PAK1: variants seen among roughly 807,000 people sequenced by gnomAD.
PAK1 encodes p21 (RAC1) activated kinase 1, also known as serine/threonine-protein kinase PAK 1.
Under a neutral mutation model 67.4 loss-of-function variants are expected in PAK1, and 29 were observed. The observed-to-expected ratio is 0.43, with a 90% CI of 0.32 to 0.59. The LOEUF is 0.59. Ranked by LOEUF, PAK1 falls within the 20% of genes least tolerant of loss-of-function variation. The pLI is 0.07. For synonymous variants in PAK1, 223 were observed against 237.4 expected (o/e 0.94, Z 0.56); for missense variants, 337 against 670.7 (o/e 0.50, Z 5.50).
chr11:77,332,722 A>T lies in PAK1; in HGVS notation c.1551+8T>A, dbSNP rs748180977. On this transcript the variant is annotated splice_region_variant and intron_variant, in intron 14 of 14. Transcript: ENST00000356341. ...GAATTAGGTGCTTCCCTGCATAAGG[A>T]CAGTTACCTGTAGCAGCTCTTTAGC... 1 of 1,612,598 alleles carries T rather than the reference A, an allele frequency of 6.2e-7. No individual in the cohort carries two copies. The highest frequency in any genetic ancestry group is 8.5e-7 in the Non-Finnish European group (1 of 1,178,788).
the PAK1 span, among the ~76,000 whole-genome samples, chr11:77,489,423 T>TCCTCTCTCTCTCCC: frequency 7.0e-6 from 1 of 143,084 alleles, no homozygotes; most frequent in African/African-American, 2.6e-5. Flanking sequence ...CTCTCCTCTC[T>TCCTCTCTCTCTCCC]CTCTCCCCTC....
At chr11:77,407,984 T>G (rs1592333140) in intron 1 of PAK1, among the ~76,000 whole-genome samples, 1 of 152,332 alleles carries the variant, frequency 6.6e-6, no homozygotes, top group Admixed American at 6.5e-5. Context: ...GAAAACTCTT[T>G]GTACACTGTA....
intron 2 of PAK1, among the ~76,000 whole-genome samples, chr11:77,382,828 T>G (rs1014161052): frequency 6.6e-6 from 1 of 152,100 alleles, no homozygotes; most frequent in African/African-American, 2.4e-5. Context: ...TGAAACTCCA[T>G]CTCTACTAAA....
At chr11:77,349,155 C>A in intron 9 of PAK1, 84 bp downstream of exon 9, 1 of 913,004 alleles carries the variant, frequency 1.1e-6, no homozygotes, top group Non-Finnish European at 1.7e-6. Context: ...AGAACTGTTC[C>A]TGTTGACCTA....
chr11:77,424,271 C>T (rs1052279540), intron 1 of PAK1, among the ~76,000 whole-genome samples: 3 of 151,906 alleles, frequency 2.0e-5, no homozygotes, highest in African/African-American at 7.3e-5. Flanking sequence ...TTCCCGTTAC[C>T]TCCTCTCTCA....
chr11:77,324,551 G>A (rs1472369842), intron 14 of PAK1, among the ~76,000 whole-genome samples: 1 of 152,006 alleles, frequency 6.6e-6, no homozygotes, highest in African/African-American at 2.4e-5. Flanking sequence ...TAGTAAAAAA[G>A]CTTTGTGTCT....
intron 5 of PAK1, among the ~76,000 whole-genome samples, chr11:77,372,785 A>G (rs1948609182): frequency 6.6e-6 from 1 of 152,128 alleles, no homozygotes; most frequent in African/African-American, 2.4e-5. Flanking sequence ...GCCCACATAC[A>G]TGCTATTCTC....
chr11:77,423,656 C>A (rs1485910118), intron 1 of PAK1, among the ~76,000 whole-genome samples: 4 of 152,122 alleles, frequency 2.6e-5, no homozygotes, highest in Admixed American at 2.6e-4. Flanking sequence ...AAGGGACAAC[C>A]ATTATTAGTT....
At chr11:77,448,494 A>T (rs1282077903) in intron 1 of PAK1, among the ~76,000 whole-genome samples, 1 of 152,262 alleles carries the variant, frequency 6.6e-6, no homozygotes. Flanking sequence ...ACAGAGTAAC[A>T]CATAAACACT....
intron 10 of PAK1, among the ~76,000 whole-genome samples, chr11:77,343,078 AATGAGATACTGTTC>A (rs1943874349): frequency 6.6e-6 from 1 of 152,140 alleles, no homozygotes; most frequent in Non-Finnish European, 1.5e-5. Context: ...CCTACCTCAC[AATGAGATACTGTTC>A]ATGAAAGTGC....
chr11:77,370,816 C>T (rs1948331514), intron 5 of PAK1, among the ~76,000 whole-genome samples: 1 of 152,194 alleles, frequency 6.6e-6, no homozygotes, highest in African/African-American at 2.4e-5. Context: ...CCAAAGAAAT[C>T]TAAGATGTTA....
At chr11:77,493,445 A>ATTTT in the PAK1 span, among the ~76,000 whole-genome samples, 56 of 70,936 alleles carry the variant, frequency 7.9e-4, 3 homozygotes, top group African/African-American at 3.3e-3. Context: ...TGCCCAGCTA[A>ATTTT]TTTTTTTTTT....
At chr11:77,373,535 G>A (rs1948705738) in intron 5 of PAK1, among the ~76,000 whole-genome samples, 1 of 149,120 alleles carries the variant, frequency 6.7e-6, no homozygotes, top group African/African-American at 2.5e-5. Context: ...ACTCCCGCCT[G>A]GGCAACAGAG....
chr11:77,464,507 T>A (rs12271542), intron 1 of PAK1, among the ~76,000 whole-genome samples: 1 of 152,096 alleles, frequency 6.6e-6, no homozygotes, highest in Non-Finnish European at 1.5e-5. Flanking sequence ...GTATTATTTA[T>A]GAGTGTATCC....
intron 1 of PAK1, among the ~76,000 whole-genome samples, chr11:77,470,585 G>A (rs1410175820): frequency 6.6e-6 from 1 of 152,166 alleles, no homozygotes; most frequent in Non-Finnish European, 1.5e-5. Context: ...TGGTATCTTA[G>A]GGCTAATAAG....
rs1009199817 is a variant in PAK1 at position 77,403,517 on chromosome 11, C to A, written c.-21-10976G>T. On this transcript the variant is annotated intron_variant, in intron 1 of 14. Coordinates refer to ENST00000356341, the MANE Select transcript of PAK1 (RefSeq NM_002576.5). ...TGCTCAAGAATTTCCACTACAATTC[C>A]TAGACTTCAATTTGAGCTCCAATAA... Among the ~76,000 whole-genome samples, 11 of 152,168 alleles carry A rather than the reference C, an allele frequency of 7.2e-5. No individual in the cohort carries two copies. In the East Asian group the frequency reaches 2.1e-3, roughly 29 times the overall value.
upstream of PAK1, among the ~76,000 whole-genome samples, chr11:77,477,644 C>T (rs1193379234): frequency 6.6e-6 from 1 of 151,478 alleles, no homozygotes; most frequent in Non-Finnish European, 1.5e-5. Context: ...TCCCAGCTAC[C>T]CAGGAGGCTA....
intron 1 of PAK1, among the ~76,000 whole-genome samples, chr11:77,443,389 C>T (rs932042734): frequency 2.0e-5 from 3 of 151,568 alleles, no homozygotes; most frequent in Non-Finnish European, 4.4e-5. Context: ...CCATTCCCAA[C>T]AGCCACCACA....
In PAK1 at chr11:77,390,663, C is replaced by CTT. The variant is rs56816970; in HGVS notation, c.190+1666_190+1667dup. 7.4e-3 allele frequency among the ~76,000 whole-genome samples: 982 copies of CTT among 132,756 alleles called. 6 individuals carry two copies. Among genetic ancestry groups the CTT allele is most frequent in the Middle Eastern group, 0.041 (10 of 246 alleles). The allele number at this position is 132,756 out of a possible 152,430, so 87.1% of individuals were successfully genotyped here. ...AGGCACACGCCACCATGCCCGACTC[C>CTT]TTTTTTTTTTTTTTTTTTAGTAGAG... On this transcript the variant is annotated intron_variant, in intron 2 of 14. Transcript: ENST00000356341.
Sources: allele counts gnomAD v4.1 joint callset (sites outside exome capture counted in the v4.1 genomes callset), GRCh38; gene constraint gnomAD v4.1.1; transcripts MANE v1.5; gene names NCBI Gene and HGNC (gene_info 2026-07-23, HGNC 2026-07-21).